CLHC1: variants seen among roughly 807,000 people sequenced by gnomAD.
The protein encoded by CLHC1 is clathrin heavy chain linker domain-containing protein 1.
Under a neutral mutation model 69.5 loss-of-function variants are expected in CLHC1, and 72 were observed. That is an observed-to-expected ratio of 1.04 (90% CI 0.86 to 1.26). The LOEUF (loss-of-function observed/expected upper bound fraction) is 1.26, where lower values mean the gene tolerates loss of function less well. CLHC1 is among the 50% of genes most tolerant of loss of function. The pLI is 0.00. For synonymous variants in CLHC1, 223 were observed against 224.3 expected (o/e 0.99, Z 0.05); for missense variants, 790 against 679.3 (o/e 1.16, Z -1.81).
Position 55,217,479 on chromosome 2 carries a change from C to T in CLHC1, c.365+332G>A, listed in dbSNP as rs1156629004. Among the ~76,000 whole-genome samples, 8 of 116,170 alleles carry T rather than the reference C, an allele frequency of 6.9e-5. 1 individual carries two copies. The highest frequency in any genetic ancestry group is 2.8e-4 in the East Asian group (1 of 3,630). 76.2% of individuals were successfully genotyped at this position (116,170 alleles called of 152,430 possible). The stretch of plus-strand genomic sequence containing the variant: ...CAGAGGTTGCAGCGAGCCAAGATTG[C>T]GCCATTGCACTCCAGCCTGGGCAAC... On this transcript the variant is annotated intron_variant, in intron 4 of 12. Coordinates refer to ENST00000401408, the MANE Select transcript of CLHC1 (RefSeq NM_152385.4).
At chr2:55,231,251 C>T (rs1271799424) in intron 1 of CLHC1, among the ~76,000 whole-genome samples, 1 of 120,106 alleles carries the variant, frequency 8.3e-6, no homozygotes. Context: ...TTCCGTCTCA[C>T]GAAAAAAAAA....
chr2:55,197,957 ACAGAGAAGGAATC>A (rs1451088363), intron 9 of CLHC1, among the ~76,000 whole-genome samples: 7 of 152,216 alleles, frequency 4.6e-5, no homozygotes, highest in Admixed American at 4.6e-4. Flanking sequence ...TTAAGATAAC[ACAGAGAAGGAATC>A]CAGAATCCTA....
intron 9 of CLHC1, among the ~76,000 whole-genome samples, chr2:55,185,434 T>C (rs76094205): frequency 0.015 from 2,328 of 152,292 alleles, 69 homozygotes; most frequent in African/African-American, 0.054. Context: ...GGTGTCTACA[T>C]GAAGACAACA....
chr2:55,184,594 C>T (rs1419731530), intron 9 of CLHC1, among the ~76,000 whole-genome samples: 1 of 152,038 alleles, frequency 6.6e-6, no homozygotes. Context: ...TTTACACACA[C>T]ATATGATGGC....
Position 55,206,950 on chromosome 2 carries a change from CA to C in CLHC1, c.900-575del, listed in dbSNP as rs34534420. 8.9e-3 allele frequency: 1,149 copies of C among 129,248 alleles called. 7 individuals are homozygous for C. The highest frequency in any genetic ancestry group is 0.028 in the Middle Eastern group (7 of 254). The allele number at this position is 129,248 out of a possible 1,614,324, so 8.0% of individuals were successfully genotyped here. A position where few individuals can be genotyped will look rare whatever the true frequency, so the allele number is the denominator to read the frequency against. On this transcript the variant is annotated intron_variant, in intron 8 of 12. Coordinates refer to ENST00000401408, the MANE Select transcript of CLHC1 (RefSeq NM_152385.4). The stretch of plus-strand genomic sequence containing the variant: ...TGAAACCCTGTCTCTACTAAAAATA[CA>C]AAAAAAAAAAAAAATTAGCCAGGCG...
rs528781282 is a variant in CLHC1 at position 55,194,683 on chromosome 2, C to T, written c.1006+11587G>A. 5.3e-5 allele frequency among the ~76,000 whole-genome samples: 8 copies of T among 152,156 alleles called. No homozygotes were observed. In the South Asian group the frequency reaches 1.2e-3, roughly 24 times the overall value. ...AGTACTAGAACTAACAAAGATTTAG[C>T]GAAGTCACAGGATACAAGACCAATA... On this transcript the variant is annotated intron_variant, in intron 9 of 12. Coordinates refer to ENST00000401408, the MANE Select transcript of CLHC1 (RefSeq NM_152385.4).
chr2:55,219,615 T>C (rs1673918177), intron 3 of CLHC1, among the ~76,000 whole-genome samples: 1 of 152,136 alleles, frequency 6.6e-6, no homozygotes, highest in African/African-American at 2.4e-5. Context: ...TTTACCACAA[T>C]CCCCACCATT....
chr2:55,183,247 T>C (rs564338162), intron 9 of CLHC1, among the ~76,000 whole-genome samples: 8 of 152,324 alleles, frequency 5.3e-5, no homozygotes, highest in South Asian at 2.1e-4. Flanking sequence ...CTATTTAGTT[T>C]AGACTAGACT....
At chr2:55,188,543 T>C (rs185670504) in intron 9 of CLHC1, among the ~76,000 whole-genome samples, 265 of 152,314 alleles carry the variant, frequency 1.7e-3, no homozygotes, top group Non-Finnish European at 1.9e-3. Flanking sequence ...TGTTTGTTAT[T>C]ATCTTCAAAA....
At chr2:55,227,235 A>AT (rs1674791583) in intron 2 of CLHC1, among the ~76,000 whole-genome samples, 1 of 152,192 alleles carries the variant, frequency 6.6e-6, no homozygotes, top group Non-Finnish European at 1.5e-5. Flanking sequence ...ACATTTGTTT[A>AT]TTCATTCATT....
At chr2:55,211,474 C>T (rs1414900620) in intron 5 of CLHC1, among the ~76,000 whole-genome samples, 1 of 144,586 alleles carries the variant, frequency 6.9e-6, no homozygotes, top group Non-Finnish European at 1.5e-5. Flanking sequence ...TGCACTACAG[C>T]CTGGGTGACA....
At chr2:55,198,692 CAAAGA>C (rs560235583) in intron 9 of CLHC1, among the ~76,000 whole-genome samples, 107 of 152,094 alleles carry the variant, frequency 7.0e-4, no homozygotes, top group Non-Finnish European at 1.3e-3. Flanking sequence ...AGATTTAACC[CAAAGA>C]AGACTCTCAA....
chr2:55,194,141 T>G (rs1205095927), intron 9 of CLHC1, among the ~76,000 whole-genome samples: 1 of 152,014 alleles, frequency 6.6e-6, no homozygotes, highest in Non-Finnish European at 1.5e-5. Context: ...GAATGAGGAG[T>G]TAATGGGTAC....
chr2:55,206,240 C>CAT (rs760689165), intron 9 of CLHC1, 30 bp downstream of exon 9: 19 of 1,263,790 alleles, frequency 1.5e-5, no homozygotes, highest in Non-Finnish European at 2.1e-5. Context: ...AATTTTCATA[C>CAT]ATATATAAGG....
At chr2:55,225,545 C>G (rs1674608601) in intron 2 of CLHC1, 1 of 152,282 alleles carries the variant, frequency 6.6e-6, no homozygotes, top group Non-Finnish European at 1.5e-5. Context: ...TCTGTAAGCT[C>G]TGGCTTCATC....
At position 55,180,500 on chromosome 2, in the gene CLHC1, T is replaced by C. The variant is rs773737832; in HGVS notation, c.1384+10A>G. ...TCAAATGTATACAAATGGCAGACTT[T>C]TTAACTTACCGGTAGTAAAGTCCTT... On this transcript the variant is annotated intron_variant, in intron 11 of 12. Coordinates refer to ENST00000401408, the MANE Select transcript of CLHC1 (RefSeq NM_152385.4). The C allele has an allele frequency of 2.5e-6, 4 of 1,606,840 alleles. No homozygotes were observed. In the African/African-American group the frequency reaches 5.3e-5, roughly 21 times the overall value.
intron 2 of CLHC1, among the ~76,000 whole-genome samples, chr2:55,222,918 C>CAA (rs59113625): frequency 0.082 from 5,568 of 67,950 alleles, 372 homozygotes; most frequent in Admixed American, 0.11. Context: ...GAAACTGTCT[C>CAA]AAAAAAAAAA....
intron 9 of CLHC1, among the ~76,000 whole-genome samples, chr2:55,199,450 T>G (rs13395515): frequency 0.32 from 48,330 of 151,944 alleles, 7,918 homozygotes; most frequent in African/African-American, 0.38. Context: ...ACTGTAATTG[T>G]GTGTAAATTA....
intron 5 of CLHC1, among the ~76,000 whole-genome samples, chr2:55,211,549 T>C (rs945016677): frequency 6.6e-6 from 1 of 150,476 alleles, no homozygotes; most frequent in Non-Finnish European, 1.5e-5. Context: ...CCTACTTTTA[T>C]GAAACACAAG....
Sources: gnomAD v4.1 joint callset for allele counts (sites outside exome capture counted in the v4.1 genomes callset) on GRCh38, gnomAD v4.1.1 for gene constraint, MANE v1.5 for transcripts, NCBI Gene and HGNC (gene_info 2026-07-23, HGNC 2026-07-21) for gene names.